ADK: variants seen among roughly 807,000 people sequenced by gnomAD.
ADK encodes the protein adenosine kinase.
ADK carries 24 observed loss-of-function variants against 44.7 expected under a neutral mutation model. The observed-to-expected ratio is 0.54, with a 90% confidence interval of 0.39 to 0.76. The LOEUF (loss-of-function observed/expected upper bound fraction) is 0.76, where lower values mean the gene tolerates loss of function less well. ADK is among the 30% of genes least tolerant of loss of function. ADK has a pLI of 0.00. For synonymous variants in ADK, 128 were observed against 142.6 expected (o/e 0.90, Z 0.73); for missense variants, 321 against 425.1 (o/e 0.76, Z 2.15).
chr10:74,566,270 G>A (rs534723443), intron 7 of ADK, among the ~76,000 whole-genome samples: 44 of 134,400 alleles, frequency 3.3e-4, no homozygotes, highest in Admixed American at 2.2e-3. Flanking sequence ...GCAGTGGCAC[G>A]ATCACAGCTC....
intron 6 of ADK, among the ~76,000 whole-genome samples, chr10:74,465,860 A>G (rs1175836579): frequency 6.6e-6 from 1 of 152,096 alleles, no homozygotes; most frequent in African/African-American, 2.4e-5. Context: ...TGTATAAGTG[A>G]TAGGTTTTAC....
intron 8 of ADK, among the ~76,000 whole-genome samples, chr10:74,590,968 T>C (rs1054929671): frequency 5.3e-5 from 8 of 152,150 alleles, no homozygotes; most frequent in African/African-American, 1.9e-4. Context: ...GTTTACTGTG[T>C]TACCATAAAA....
chr10:74,351,156 G>C (rs1267399210), intron 4 of ADK, among the ~76,000 whole-genome samples: 1 of 152,200 alleles, frequency 6.6e-6, no homozygotes, highest in African/African-American at 2.4e-5. Flanking sequence ...TATCCCTGAT[G>C]AACATCCATG....
At chr10:74,362,017 G>C (rs1386704301) in intron 4 of ADK, among the ~76,000 whole-genome samples, 1 of 152,138 alleles carries the variant, frequency 6.6e-6, no homozygotes, top group Non-Finnish European at 1.5e-5. Flanking sequence ...ACCTTTGTGA[G>C]TTTGATTATA....
intron 6 of ADK, among the ~76,000 whole-genome samples, chr10:74,428,532 A>G (rs1170010992): frequency 6.6e-6 from 1 of 152,246 alleles, no homozygotes; most frequent in Non-Finnish European, 1.5e-5. Flanking sequence ...GACCATTCCA[A>G]TCACTAATGG....
intron 6 of ADK, among the ~76,000 whole-genome samples, chr10:74,437,625 C>G (rs138071951): frequency 5.3e-5 from 8 of 152,264 alleles, no homozygotes; most frequent in African/African-American, 1.9e-4. Context: ...GTATTTTTCT[C>G]CTGCCCTACT....
chr10:74,322,720 GTCTC>G (rs1401036380), intron 4 of ADK, among the ~76,000 whole-genome samples: 2 of 149,766 alleles, frequency 1.3e-5, no homozygotes, highest in Non-Finnish European at 3.0e-5. Flanking sequence ...TCCTTTCCTT[GTCTC>G]TCTCCTTTCC....
At chr10:74,302,090 GTTTTTTTTTTGTTTGTTTGTTTTTTTTT>G (rs1840057746) in intron 3 of ADK, among the ~76,000 whole-genome samples, 1 of 17,032 alleles carries the variant, frequency 5.9e-5, no homozygotes, top group African/African-American at 2.6e-4. Context: ...TTTCTTTTCT[GTTTTTTTTTTGTTTGTTTGTTTTTTTTT>G]TTTTTTTTTT....
At chr10:74,351,284 G>A (rs1265685411) in intron 4 of ADK, among the ~76,000 whole-genome samples, 1 of 152,126 alleles carries the variant, frequency 6.6e-6, no homozygotes, top group Non-Finnish European at 1.5e-5. Context: ...ATCAATAAAC[G>A]TAATCTATCA....
intron 3 of ADK, among the ~76,000 whole-genome samples, chr10:74,266,575 GA>G (rs1301875374): frequency 2.0e-5 from 3 of 149,506 alleles, no homozygotes; most frequent in Admixed American, 6.7e-5. Flanking sequence ...AAAAAAAGAA[GA>G]AAAAAAAAGG....
intron 4 of ADK, among the ~76,000 whole-genome samples, chr10:74,330,128 A>G (rs2131845084): frequency 6.6e-6 from 1 of 152,320 alleles, no homozygotes; most frequent in African/African-American, 2.4e-5. Context: ...TGATTCTGCC[A>G]CTGCATTCCA....
chr10:74,316,528 T>C (rs1840626248), intron 4 of ADK, among the ~76,000 whole-genome samples: 1 of 152,200 alleles, frequency 6.6e-6, no homozygotes, highest in African/African-American at 2.4e-5. Context: ...AAGGGGCTCT[T>C]ACCCCTTTGC....
At position 74,315,975 on chromosome 10, in the gene ADK, C is replaced by A. The variant is rs533292224; in HGVS notation, c.273+1230C>A. Among the ~76,000 whole-genome samples the A allele has an allele frequency of 1.3e-5, 2 of 151,974 alleles. 1 individual carries two copies. Among genetic ancestry groups the A allele is most frequent in the South Asian group, 4.2e-4 (2 of 4,818 alleles). On this transcript the variant is annotated intron_variant, in intron 4 of 10. Coordinates refer to ENST00000539909, the MANE Select transcript of ADK (RefSeq NM_006721.4). ...ATTTACGGCCAGGCACGGTGGCTCA[C>A]GCCTGTAATCCCAGCACTTTGGGAA...
At chr10:74,391,125 TTTG>T (rs1454743114) in intron 4 of ADK, among the ~76,000 whole-genome samples, 2 of 152,154 alleles carry the variant, frequency 1.3e-5, no homozygotes, top group African/African-American at 4.8e-5. Flanking sequence ...GTTTGATTTA[TTTG>T]TTGTTTTTGT....
chr10:74,604,646 G>C (rs751170593), intron 9 of ADK, among the ~76,000 whole-genome samples: 10 of 152,090 alleles, frequency 6.6e-5, no homozygotes, highest in Non-Finnish European at 1.2e-4. Flanking sequence ...ATGCTGTTTT[G>C]GTTACTGTAG....
intron 2 of ADK, among the ~76,000 whole-genome samples, chr10:74,212,344 T>G (rs558453331): frequency 6.6e-6 from 1 of 152,344 alleles, no homozygotes; most frequent in South Asian, 2.1e-4. Flanking sequence ...ATATGTTTTA[T>G]GGTTACTCTT....
At position 74,254,374 on chromosome 10, in the gene ADK, A is replaced by G. The variant is rs80106490; in HGVS notation, c.194+29783A>G. ...TCCTTTCCTTAAATAGAGTCCCACA[A>G]ATTGTAAAAAAGGAATTAGCTCACC... On this transcript the variant is annotated intron_variant, in intron 3 of 10. Transcript: ENST00000539909. Among the ~76,000 whole-genome samples the G allele has an allele frequency of 2.4e-3, 358 of 152,158 alleles. 1 individual carries two copies. The highest frequency in any genetic ancestry group is 7.6e-3 in the African/African-American group (316 of 41,512).
intron 6 of ADK, among the ~76,000 whole-genome samples, chr10:74,497,839 C>T (rs1199634592): frequency 1.3e-5 from 2 of 151,976 alleles, no homozygotes; most frequent in Non-Finnish European, 1.5e-5. Flanking sequence ...CAATCAAGAA[C>T]CTGGGGAAGT....
chr10:74,305,661 A>G (rs1003888384), intron 3 of ADK, among the ~76,000 whole-genome samples: 14 of 152,048 alleles, frequency 9.2e-5, no homozygotes, highest in Non-Finnish European at 1.8e-4. Flanking sequence ...CTGAGCTTGA[A>G]TCTGTTAAGA....
Sources: gnomAD v4.1 joint callset for allele counts (sites outside exome capture counted in the v4.1 genomes callset) on GRCh38, gnomAD v4.1.1 for gene constraint, MANE v1.5 for transcripts, NCBI Gene and HGNC (gene_info 2026-07-23, HGNC 2026-07-21) for gene names.